FIGN: variants seen among roughly 807,000 people sequenced by gnomAD.
FIGN encodes the protein fidgetin.
Under a neutral mutation model 51.3 loss-of-function variants are expected in FIGN, and 11 were observed. That is an observed-to-expected ratio of 0.21 (90% CI 0.13 to 0.35). The LOEUF (loss-of-function observed/expected upper bound fraction) is 0.35. Ranked by LOEUF, FIGN falls within the 10% of genes least tolerant of loss-of-function variation. The probability of loss-of-function intolerance (pLI) is 1.00; values close to 1 mark genes in which losing one functional copy is unlikely to be tolerated. For missense variants in FIGN, 857 were observed against 943.6 expected (o/e 0.91, Z 1.20); for synonymous variants, 407 against 363.2 (o/e 1.12, Z -1.37).
At chr2:163,674,757 C>A (rs1319574352) in intron 2 of FIGN, among the ~76,000 whole-genome samples, 2 of 152,036 alleles carry the variant, frequency 1.3e-5, no homozygotes, top group Non-Finnish European at 2.9e-5. Context: ...TTCTTTAGTG[C>A]CTTCTTCCTC....
intron 2 of FIGN, among the ~76,000 whole-genome samples, chr2:163,628,974 A>G (rs1279230493): frequency 1.3e-5 from 2 of 152,124 alleles, no homozygotes; most frequent in East Asian, 1.9e-4. Context: ...CTCTCCTTGG[A>G]GAACTACTGG....
chr2:163,638,039 AG>A (rs1683252642), intron 2 of FIGN, among the ~76,000 whole-genome samples: 1 of 152,090 alleles, frequency 6.6e-6, no homozygotes, highest in African/African-American at 2.4e-5. Context: ...TCTTCACACC[AG>A]GGGTTTGCTC....
intron 2 of FIGN, among the ~76,000 whole-genome samples, chr2:163,725,573 AATTGTAG>A (rs1323613747): frequency 6.6e-6 from 1 of 152,016 alleles, no homozygotes; most frequent in Non-Finnish European, 1.5e-5. Context: ...ATGGTGGTAA[AATTGTAG>A]ATTTTTTACC....
chr2:163,710,904 A>C (rs1684577656), intron 2 of FIGN, among the ~76,000 whole-genome samples: 1 of 152,186 alleles, frequency 6.6e-6, no homozygotes, highest in Non-Finnish European at 1.5e-5. Context: ...GTCAGTGTTC[A>C]CCTGTACACA....
chr2:163,654,719 G>T (rs1683532214), intron 2 of FIGN, among the ~76,000 whole-genome samples: 2 of 152,118 alleles, frequency 1.3e-5, no homozygotes, highest in Non-Finnish European at 2.9e-5. Flanking sequence ...AATAGAACTG[G>T]ATTGTTTATA....
chr2:163,614,295 A>G (rs1485391461), intron 2 of FIGN, among the ~76,000 whole-genome samples: 1 of 152,202 alleles, frequency 6.6e-6, no homozygotes, highest in Non-Finnish European at 1.5e-5. Flanking sequence ...CATTTCAGGA[A>G]TCATACTTTC....
intron 2 of FIGN, among the ~76,000 whole-genome samples, chr2:163,617,719 C>T (rs941597565): frequency 2.0e-5 from 3 of 152,142 alleles, no homozygotes; most frequent in Non-Finnish European, 4.4e-5. Context: ...GCATTGCTTA[C>T]ATCATCACTT....
At chr2:163,686,142 A>T (rs1684144910) in intron 2 of FIGN, among the ~76,000 whole-genome samples, 1 of 152,242 alleles carries the variant, frequency 6.6e-6, no homozygotes, top group Admixed American at 6.5e-5. Context: ...AATAATGAGA[A>T]TTCTAACAAG....
At chr2:163,630,676 G>C (rs1399592196) in intron 2 of FIGN, among the ~76,000 whole-genome samples, 3 of 76,238 alleles carry the variant, frequency 3.9e-5, no homozygotes, top group African/African-American at 7.0e-5. Context: ...ACAAAAAAAA[G>C]GGGGGGGGGA....
At chr2:163,730,578 T>C (rs1220502278) in intron 2 of FIGN, among the ~76,000 whole-genome samples, 1 of 151,942 alleles carries the variant, frequency 6.6e-6, no homozygotes, top group Non-Finnish European at 1.5e-5. Context: ...AGCTTCTAAG[T>C]GGTACCCCCA....
intron 2 of FIGN, among the ~76,000 whole-genome samples, chr2:163,673,693 C>T (rs904551409): frequency 3.9e-5 from 6 of 151,996 alleles, no homozygotes; most frequent in East Asian, 1.9e-4. Context: ...GGGGCAGGGA[C>T]GGGGTCTGTT....
In FIGN at chr2:163,720,233, C is replaced by T. The variant is rs114978521; in HGVS notation, c.25+14670G>A. Among the ~76,000 whole-genome samples the T allele has an allele frequency of 8.7e-3, 1,326 of 152,194 alleles. 21 individuals carry two copies. Among genetic ancestry groups the T allele is most frequent in the African/African-American group, 0.031 (1,269 of 41,508 alleles). On this transcript the variant is annotated intron_variant, in intron 2 of 2. Coordinates refer to ENST00000333129, the MANE Select transcript of FIGN (RefSeq NM_018086.4). Reference sequence around the variant, plus strand: ...AAGAGAAACATTTGTAGGCTTGGTTCTGCAATAAAAATTGGTATCTGATTT... The same window carrying T: ...AAGAGAAACATTTGTAGGCTTGGTTTTGCAATAAAAATTGGTATCTGATTT...
rs917914902 is a variant in FIGN at position 163,668,912 on chromosome 2, G to T, written c.26-57106C>A. On this transcript the variant is annotated intron_variant, in intron 2 of 2. Transcript: ENST00000333129. ...GCAGAGATCGTGCCACTGCACTCCA[G>T]CCTGGGTGACAGAGTGAGACTCCAT... is the stretch of plus-strand genomic sequence containing the variant. Among the ~76,000 whole-genome samples, 43 of 151,698 alleles carry T rather than the reference G, an allele frequency of 2.8e-4. 1 individual carries two copies. Among genetic ancestry groups the T allele is most frequent in the African/African-American group, 9.7e-4 (40 of 41,266 alleles).
intron 2 of FIGN, among the ~76,000 whole-genome samples, chr2:163,673,798 C>G (rs2105334711): frequency 6.6e-6 from 1 of 152,146 alleles, no homozygotes; most frequent in Middle Eastern, 3.4e-3. Context: ...TCAGACAGAC[C>G]TGGCTTGGGG....
At chr2:163,668,754 C>G (rs1683825367) in intron 2 of FIGN, among the ~76,000 whole-genome samples, 1 of 151,902 alleles carries the variant, frequency 6.6e-6, no homozygotes, top group Non-Finnish European at 1.5e-5. Context: ...TCCTGGCTAA[C>G]ACGGTGAAAC....
chr2:163,683,769 G>A (rs906507450), intron 2 of FIGN, among the ~76,000 whole-genome samples: 1 of 152,130 alleles, frequency 6.6e-6, no homozygotes, highest in African/African-American at 2.4e-5. Context: ...TCTAATGTGC[G>A]GCCAAGGTTG....
intron 2 of FIGN, among the ~76,000 whole-genome samples, chr2:163,630,456 A>G (rs948555811): frequency 6.6e-6 from 1 of 152,048 alleles, no homozygotes; most frequent in Non-Finnish European, 1.5e-5. Context: ...TGAGTCCCCA[A>G]CACCAGGCAG....
intron 2 of FIGN, among the ~76,000 whole-genome samples, chr2:163,624,614 G>A (rs993717461): frequency 6.6e-5 from 10 of 151,328 alleles, no homozygotes; most frequent in Non-Finnish European, 4.4e-5. Flanking sequence ...AAATACAGAG[G>A]TGGCTTTTTC....
At chr2:163,668,574 T>C (rs1447876546) in intron 2 of FIGN, among the ~76,000 whole-genome samples, 1 of 152,190 alleles carries the variant, frequency 6.6e-6, no homozygotes, top group African/African-American at 2.4e-5. Context: ...TGAAAGTATA[T>C]TACATGGTAA....
Sources: allele counts gnomAD v4.1 joint callset (sites outside exome capture counted in the v4.1 genomes callset), GRCh38; gene constraint gnomAD v4.1.1; transcripts MANE v1.5; gene names NCBI Gene and HGNC (gene_info 2026-07-23, HGNC 2026-07-21).